CR1L: variants seen among roughly 807,000 people sequenced by gnomAD.
CR1L encodes the protein complement component receptor 1-like protein.
CR1L carries 59 observed loss-of-function variants against 62.3 expected under a neutral mutation model. That is an observed-to-expected ratio of 0.95 (90% CI 0.77 to 1.18). The LOEUF is 1.18. Ranked by LOEUF, CR1L falls within the 50% of genes most tolerant of loss-of-function variation. The pLI, the probability that CR1L is intolerant of heterozygous loss-of-function variation, is 0.00. For synonymous variants in CR1L, 279 were observed against 248.7 expected (o/e 1.12, Z -1.15); for missense variants, 700 against 702.8 (o/e 1.00, Z 0.04).
chr1:207,665,012 T>A (rs1419346404), intron 1 of CR1L, among the ~76,000 whole-genome samples: 1 of 152,240 alleles, frequency 6.6e-6, no homozygotes, highest in East Asian at 1.9e-4. Flanking sequence ...TTACTTGTTA[T>A]CTTCTAGGAT....
At chr1:207,719,577 T>C (rs903308944) in intron 11 of CR1L, among the ~76,000 whole-genome samples, 2 of 152,000 alleles carry the variant, frequency 1.3e-5, no homozygotes, top group African/African-American at 2.4e-5. Flanking sequence ...AAAAATTAGC[T>C]GGGCGTGGTA....
At chr1:207,693,181 G>A (rs1254899793) in intron 4 of CR1L, among the ~76,000 whole-genome samples, 2 of 152,122 alleles carry the variant, frequency 1.3e-5, no homozygotes, top group African/African-American at 2.4e-5. Context: ...GCAGTGGCGC[G>A]ATCTCGGCTG....
chr1:207,712,605 T>A (rs1377974665), intron 10 of CR1L, among the ~76,000 whole-genome samples: 1 of 152,186 alleles, frequency 6.6e-6, no homozygotes, highest in African/African-American at 2.4e-5. Flanking sequence ...GGGCAGGAAG[T>A]GTTCTACAGC....
Position 207,717,423 on chromosome 1 carries a change from G to A in CR1L, c.1415-41G>A, listed in dbSNP as rs181434890. On this transcript the variant is annotated intron_variant, in intron 10 of 11. Coordinates refer to ENST00000508064, the MANE Select transcript of CR1L (RefSeq NM_175710.2). ...CACTAATATTTCAGTCATCTTAAGTGAAACTCTAATAGAACTTAAAAGCTC... is the reference window on the plus strand; with the variant it reads ...CACTAATATTTCAGTCATCTTAAGTAAAACTCTAATAGAACTTAAAAGCTC... 6.1e-5 allele frequency: 98 copies of A among 1,594,420 alleles called. 2 individuals are homozygous for A. The Admixed American group carries it at 1.3e-3, about 21-fold the overall frequency.
chr1:207,690,388 T>C (rs972486443), intron 4 of CR1L, among the ~76,000 whole-genome samples: 7 of 152,230 alleles, frequency 4.6e-5, no homozygotes, highest in African/African-American at 1.7e-4. Flanking sequence ...GGAGATCTTC[T>C]AGTTATCATT....
At chr1:207,715,472 C>A in intron 10 of CR1L, 1 of 899,738 alleles carries the variant, frequency 1.1e-6, no homozygotes, top group South Asian at 1.4e-5. Flanking sequence ...CACGGAATCA[C>A]TTGTCTGGAT....
chr1:207,678,669 C>T (rs1360334772), intron 3 of CR1L, among the ~76,000 whole-genome samples: 7 of 152,186 alleles, frequency 4.6e-5, no homozygotes, highest in Admixed American at 4.6e-4. Context: ...ATGGTCATAG[C>T]ACAAATAGTT....
At chr1:207,657,708 C>A (rs1348329394) in intron 1 of CR1L, among the ~76,000 whole-genome samples, 2 of 152,084 alleles carry the variant, frequency 1.3e-5, no homozygotes, top group East Asian at 3.9e-4. Context: ...ATGCTCTCAC[C>A]AATAAAAATG....
At chr1:207,661,299 A>C (rs909527315) in intron 1 of CR1L, among the ~76,000 whole-genome samples, 2 of 152,130 alleles carry the variant, frequency 1.3e-5, no homozygotes, top group African/African-American at 2.4e-5. Flanking sequence ...GTAGGTCACT[A>C]AGGACTTGCT....
chr1:207,684,428 A>G (rs12144801), intron 4 of CR1L, among the ~76,000 whole-genome samples: 55,064 of 151,830 alleles, frequency 0.36, 10,079 homozygotes, highest in Non-Finnish European at 0.4. Context: ...CTTAGAATTT[A>G]TACTTAGGAA....
chr1:207,698,707 C>T (rs1162308584), intron 7 of CR1L, among the ~76,000 whole-genome samples: 1 of 152,204 alleles, frequency 6.6e-6, no homozygotes, highest in Non-Finnish European at 1.5e-5. Flanking sequence ...TACTCTTCAG[C>T]AGCCCAAATT....
At chr1:207,696,070 G>A (rs571918519) in intron 5 of CR1L, among the ~76,000 whole-genome samples, 14 of 152,270 alleles carry the variant, frequency 9.2e-5, no homozygotes, top group African/African-American at 3.1e-4. Context: ...GCAATAGGAC[G>A]AAGGCAGAGT....
intron 1 of CR1L, among the ~76,000 whole-genome samples, chr1:207,654,901 A>G (rs1663282044): frequency 6.6e-6 from 1 of 152,194 alleles, no homozygotes; most frequent in Non-Finnish European, 1.5e-5. Flanking sequence ...AACGCACAGA[A>G]ATGAATGTGT....
Position 207,710,784 on chromosome 1 carries a change from G to A in CR1L, c.1414+2521G>A. 10 of 1,597,390 alleles carry A rather than the reference G, an allele frequency of 6.3e-6. No individual in the cohort carries two copies. The South Asian group carries it at 1.1e-4, about 18-fold the overall frequency. ...GCCGGAGCTACCAAGCTGCTCCAGG[G>A]GTGTGTTTGCCTGAGGCCTAGAAGG... On this transcript the variant is annotated intron_variant, in intron 10 of 11. Coordinates refer to ENST00000508064, the MANE Select transcript of CR1L (RefSeq NM_175710.2).
At chr1:207,687,960 T>C (rs1326434212) in intron 4 of CR1L, among the ~76,000 whole-genome samples, 1 of 152,162 alleles carries the variant, frequency 6.6e-6, no homozygotes, top group African/African-American at 2.4e-5. Context: ...TTTTTCCAGT[T>C]ACTGCTTTTT....
chr1:207,714,222 T>C (rs934551455), intron 10 of CR1L, among the ~76,000 whole-genome samples: 3 of 152,140 alleles, frequency 2.0e-5, no homozygotes, highest in Admixed American at 1.3e-4. Flanking sequence ...TCTGGAGCCT[T>C]TATGGACTCA....
chr1:207,706,044 T>TATATATATATATAA (rs1491230856), intron 9 of CR1L, among the ~76,000 whole-genome samples: 5 of 118,864 alleles, frequency 4.2e-5, no homozygotes, highest in South Asian at 3.0e-4. Context: ...TATATATATA[T>TATATATATATATAA]AAAACACTGA....
intron 1 of CR1L, chr1:207,669,492 G>C (rs1475520373): frequency 6.3e-6 from 10 of 1,581,076 alleles, no homozygotes; most frequent in Non-Finnish European, 8.6e-6. Flanking sequence ...GGCAGCCGGC[G>C]CCCGGTCTCC....
At position 207,677,432 on chromosome 1, in the gene CR1L, C is replaced by T. The variant is rs1663712873; in HGVS notation, c.141C>T (p.Thr47=). 2 of 1,613,174 alleles carry T rather than the reference C, an allele frequency of 1.2e-6. No homozygotes were observed. Among genetic ancestry groups the T allele is most frequent in the Non-Finnish European group, 1.7e-6 (2 of 1,179,710 alleles). ...VPEWLPFARP[T]NLTDDFEFPI... ...AATGGCTTCCATTTGCCAGGCCTAC[C>T]AACCTAACTGATGACTTTGAGTTTC... The change falls in exon 2 of 12, where the codon ACC becomes ACT. Residue 47 remains threonine (T), a synonymous_variant. Transcript: ENST00000508064.
Sources: allele counts gnomAD v4.1 joint callset (sites outside exome capture counted in the v4.1 genomes callset), GRCh38; gene constraint gnomAD v4.1.1; transcripts MANE v1.5; gene names NCBI Gene and HGNC (gene_info 2026-07-23, HGNC 2026-07-21).